The following SCMH1 variants were observed in gnomAD, a reference collection of about 807,000 sequenced individuals.
SCMH1 encodes the protein Scm polycomb group protein homolog 1, also known as polycomb protein SCMH1.
SCMH1 carries 37 observed loss-of-function variants against 70.8 expected under a neutral mutation model. The observed-to-expected ratio is 0.52, with a 90% CI of 0.40 to 0.69. The LOEUF is 0.69. Ranked by LOEUF, SCMH1 falls within the 30% of genes least tolerant of loss-of-function variation. The pLI, the probability that SCMH1 is intolerant of heterozygous loss-of-function variation, is 0.00. For missense variants in SCMH1, 607 were observed against 827.3 expected (o/e 0.73, Z 3.27); for synonymous variants, 292 against 307.4 (o/e 0.95, Z 0.52).
At chr1:41,222,093 C>T (rs1659416561) in intron 1 of SCMH1, among the ~76,000 whole-genome samples, 1 of 150,188 alleles carries the variant, frequency 6.7e-6, no homozygotes, top group South Asian at 2.1e-4. Flanking sequence ...ACATTATTTG[C>T]ATAATTCTAA....
intron 8 of SCMH1, among the ~76,000 whole-genome samples, chr1:41,079,989 A>T (rs952078783): frequency 6.6e-6 from 1 of 152,140 alleles, no homozygotes; most frequent in African/African-American, 2.4e-5. Flanking sequence ...TTTTAGGTAT[A>T]AGATGTCCAT....
rs1646015557 is a variant in SCMH1, at chr1:41,161,352, T to C, written c.82+12A>G. 1 of 1,547,124 alleles carries C rather than the reference T, an allele frequency of 6.5e-7. No homozygotes were observed. The highest frequency in any genetic ancestry group is 8.7e-7 in the Non-Finnish European group (1 of 1,146,222). ...AATTTTTCCACACCAAACGGAGTTTTTTCCCCCTTACCTTGATATTGGGAT... is the reference window on the plus strand; with the variant it reads ...AATTTTTCCACACCAAACGGAGTTTCTTCCCCCTTACCTTGATATTGGGAT... On this transcript the variant is annotated intron_variant, in intron 3 of 14. Coordinates refer to ENST00000337495, the Ensembl canonical transcript of SCMH1.
intron 8 of SCMH1, among the ~76,000 whole-genome samples, chr1:41,110,992 G>A (rs779726893): frequency 6.6e-6 from 1 of 152,190 alleles, no homozygotes; most frequent in Non-Finnish European, 1.5e-5. Flanking sequence ...TGGGTGTGAA[G>A]TTGTATTTCA....
At chr1:41,198,697 C>T (rs1373278150) in intron 1 of SCMH1, among the ~76,000 whole-genome samples, 5 of 152,102 alleles carry the variant, frequency 3.3e-5, no homozygotes, top group Non-Finnish European at 5.9e-5. Context: ...TCAAAGCCCA[C>T]CACACTATAA....
At chr1:41,027,497 AGAG>A (rs1192017430) in exon 15 of SCMH1, 1 of 152,300 alleles carries the variant, frequency 6.6e-6, no homozygotes, top group Non-Finnish European at 1.5e-5. Context: ...CCCCGTGAAG[AGAG>A]GAGAAGGTGA....
intron 13 of SCMH1, among the ~76,000 whole-genome samples, chr1:41,033,327 GA>G (rs1175319985): frequency 2.0e-5 from 3 of 151,624 alleles, no homozygotes; most frequent in Admixed American, 6.6e-5. Context: ...CCAGGCAAGA[GA>G]CCACTGTGGC....
At chr1:41,148,850 G>A (rs951646687) in intron 5 of SCMH1, among the ~76,000 whole-genome samples, 1 of 152,062 alleles carries the variant, frequency 6.6e-6, no homozygotes, top group Non-Finnish European at 1.5e-5. Flanking sequence ...CAGTGCAGTG[G>A]CATGATCTCA....
intron 1 of SCMH1, among the ~76,000 whole-genome samples, chr1:41,212,945 A>C (rs1657345897): frequency 6.6e-6 from 1 of 152,200 alleles, no homozygotes; most frequent in Admixed American, 6.5e-5. Context: ...ACCTACTATA[A>C]ATTTGACATT....
intron 1 of SCMH1, among the ~76,000 whole-genome samples, chr1:41,204,365 A>G (rs1655033770): frequency 6.6e-6 from 1 of 152,174 alleles, no homozygotes; most frequent in Non-Finnish European, 1.5e-5. Context: ...GTTAGATCAT[A>G]TCACTCTCCA....
In SCMH1 at chr1:41,231,412, T is replaced by C. The variant is rs545796389; in HGVS notation, c.-118+10647A>G. On this transcript the variant is annotated intron_variant, in intron 1 of 14. Coordinates refer to ENST00000337495, the Ensembl canonical transcript of SCMH1. ...ACTTTTTAAAAATAAACTTTTTCTA[T>C]TAGAACAGTTTTAGATTTACAGAAA... Among the ~76,000 whole-genome samples, 3 of 152,332 alleles carry C rather than the reference T, an allele frequency of 2.0e-5. No homozygotes were observed. The South Asian group carries it at 6.2e-4, about 32-fold the overall frequency.
chr1:41,069,486 T>G (rs1655745595), intron 10 of SCMH1, among the ~76,000 whole-genome samples: 2 of 152,196 alleles, frequency 1.3e-5, no homozygotes, highest in African/African-American at 4.8e-5. Flanking sequence ...GACCCTTCAT[T>G]CCTTTAAACT....
chr1:41,182,340 A>G (rs1417375082), intron 2 of SCMH1, among the ~76,000 whole-genome samples: 1 of 152,222 alleles, frequency 6.6e-6, no homozygotes, highest in Non-Finnish European at 1.5e-5. Context: ...CCTAAAACTT[A>G]AAGTATAATA....
At chr1:41,229,446 T>C (rs943725919) in intron 1 of SCMH1, among the ~76,000 whole-genome samples, 19 of 152,102 alleles carry the variant, frequency 1.2e-4, no homozygotes, top group Admixed American at 2.0e-4. Context: ...TGTAGGGACA[T>C]GGATGAAGCT....
At chr1:41,041,463 A>C (rs933349811) in intron 12 of SCMH1, 2 of 152,230 alleles carry the variant, frequency 1.3e-5, no homozygotes, top group African/African-American at 4.8e-5. Flanking sequence ...AAGAAACAGG[A>C]TATTAAGATG....
intron 2 of SCMH1, among the ~76,000 whole-genome samples, chr1:41,175,041 T>C (rs574437756): frequency 4.5e-4 from 69 of 152,328 alleles, no homozygotes; most frequent in Middle Eastern, 6.8e-3. Context: ...CGAGTACTTG[T>C]GATGGTTAAC....
At chr1:41,240,294 A>C (rs1402202207) in intron 1 of SCMH1, among the ~76,000 whole-genome samples, 1 of 152,262 alleles carries the variant, frequency 6.6e-6, no homozygotes, top group Non-Finnish European at 1.5e-5. Context: ...ACAGGATCCC[A>C]GATGTAAGAG....
chr1:41,098,647 A>C (rs538497288), intron 8 of SCMH1: 193 of 163,432 alleles, frequency 1.2e-3, no homozygotes, highest in Non-Finnish European at 2.2e-3. Flanking sequence ...GATGGCACTG[A>C]AGACAAAGAA....
chr1:41,041,806 A>T (rs80183602), intron 12 of SCMH1, among the ~76,000 whole-genome samples: 44 of 152,316 alleles, frequency 2.9e-4, no homozygotes, highest in African/African-American at 9.9e-4. Context: ...AACCAGTGTC[A>T]TGGGCAATGA....
chr1:41,066,574 TTTG>T (rs918035218), intron 10 of SCMH1, among the ~76,000 whole-genome samples: 10 of 152,062 alleles, frequency 6.6e-5, no homozygotes, highest in East Asian at 1.9e-4. Flanking sequence ...GCCATCTTTT[TTTG>T]TTGTTGTTGT....
Sources: gnomAD v4.1 joint callset for allele counts (sites outside exome capture counted in the v4.1 genomes callset) on GRCh38, gnomAD v4.1.1 for gene constraint, MANE v1.5 for transcripts, NCBI Gene and HGNC (gene_info 2026-07-23, HGNC 2026-07-21) for gene names.